IGSF11: variants seen among roughly 807,000 people sequenced by gnomAD.
IGSF11 encodes immunoglobulin superfamily member 11, also known as CXADR like 1.
In IGSF11, 22 loss-of-function variants were observed where a neutral mutation model predicts 41.0. The ratio of observed to expected loss-of-function variants is 0.54; its 90% CI spans 0.38 to 0.77. The LOEUF (loss-of-function observed/expected upper bound fraction) is 0.77, where lower values mean the gene tolerates loss of function less well. Among genes scored for constraint, IGSF11 ranks in the 30% least tolerant of loss-of-function variants. The pLI, the probability that IGSF11 is intolerant of heterozygous loss-of-function variation, is 0.00. For missense variants in IGSF11, 444 were observed against 530.8 expected (o/e 0.84, Z 1.61); for synonymous variants, 219 against 201.3 (o/e 1.09, Z -0.74).
chr3:118,907,564 A>G (rs1318409595), intron 4 of IGSF11, among the ~76,000 whole-genome samples: 1 of 152,280 alleles, frequency 6.6e-6, no homozygotes, highest in East Asian at 1.9e-4. Context: ...AGGCACACAG[A>G]AAGGTGCTAA....
chr3:119,084,830 A>C (rs180741723), intron 1 of IGSF11, among the ~76,000 whole-genome samples: 12 of 152,362 alleles, frequency 7.9e-5, no homozygotes, highest in Non-Finnish European at 1.5e-4. Flanking sequence ...AGCCACGAGC[A>C]GGTCCTGGTG....
chr3:119,138,821 C>T (rs191376606), intron 1 of IGSF11, among the ~76,000 whole-genome samples: 1 of 152,018 alleles, frequency 6.6e-6, no homozygotes, highest in Non-Finnish European at 1.5e-5. Context: ...GAAATAAAAA[C>T]AATTGAACTC....
At chr3:118,936,946 TC>T (rs1233048904) in intron 1 of IGSF11, among the ~76,000 whole-genome samples, 1 of 151,990 alleles carries the variant, frequency 6.6e-6, no homozygotes, top group Non-Finnish European at 1.5e-5. Flanking sequence ...TGACATGAAA[TC>T]CCCCCTGCAA....
At chr3:118,986,106 A>T (rs1935228801) in intron 1 of IGSF11, among the ~76,000 whole-genome samples, 1 of 152,078 alleles carries the variant, frequency 6.6e-6, no homozygotes, top group South Asian at 2.1e-4. Flanking sequence ...ATCTTCCCTC[A>T]TGTACTTCCC....
At chr3:119,024,151 G>C (rs1284443375) in intron 1 of IGSF11, among the ~76,000 whole-genome samples, 1 of 152,174 alleles carries the variant, frequency 6.6e-6, no homozygotes, top group African/African-American at 2.4e-5. Flanking sequence ...CAATTAATTT[G>C]TTCAAAGAAA....
chr3:119,122,098 G>A, intron 1 of IGSF11, among the ~76,000 whole-genome samples: 1 of 152,146 alleles, frequency 6.6e-6, no homozygotes, highest in East Asian at 1.9e-4. Flanking sequence ...TAAAAATCAA[G>A]TAAGCACCAC....
intron 1 of IGSF11, among the ~76,000 whole-genome samples, chr3:119,094,251 AGTT>A (rs1264509102): frequency 7.9e-6 from 1 of 125,964 alleles, no homozygotes; most frequent in Non-Finnish European, 1.7e-5. Context: ...AAAAAAAAAA[AGTT>A]GTTGTTCAAT....
chr3:118,939,255 T>C (rs1292522506), intron 1 of IGSF11, among the ~76,000 whole-genome samples: 1 of 152,092 alleles, frequency 6.6e-6, no homozygotes, highest in Non-Finnish European at 1.5e-5. Context: ...GGAAGAAATC[T>C]AGAAAACCAT....
intron 1 of IGSF11, among the ~76,000 whole-genome samples, chr3:118,973,893 C>A (rs1304409982): frequency 6.6e-6 from 1 of 152,014 alleles, no homozygotes; most frequent in African/African-American, 2.4e-5. Context: ...TAAGTGGGAG[C>A]TGAACAATGA....
intron 1 of IGSF11, among the ~76,000 whole-genome samples, chr3:119,084,601 T>G (rs2076640095): frequency 6.6e-6 from 1 of 152,122 alleles, no homozygotes; most frequent in Non-Finnish European, 1.5e-5. Flanking sequence ...AAGCAAGGCT[T>G]TCTTCTACAT....
At chr3:118,913,142 T>C (rs1374603411) in intron 4 of IGSF11, among the ~76,000 whole-genome samples, 1 of 137,730 alleles carries the variant, frequency 7.3e-6, no homozygotes, top group Non-Finnish European at 1.6e-5. Context: ...CACAGAAAGG[T>C]AAAGAAGGTA....
At chr3:119,115,803 C>G (rs1279268856) in intron 1 of IGSF11, among the ~76,000 whole-genome samples, 1 of 152,110 alleles carries the variant, frequency 6.6e-6, no homozygotes, top group African/African-American at 2.4e-5. Context: ...AATGTACAAT[C>G]TATATAATCT....
chr3:119,132,093 A>C (rs916153183), intron 1 of IGSF11, among the ~76,000 whole-genome samples: 3 of 152,210 alleles, frequency 2.0e-5, no homozygotes, highest in Non-Finnish European at 4.4e-5. Flanking sequence ...GCCACTGCAA[A>C]AACATGCCAA....
intron 1 of IGSF11, among the ~76,000 whole-genome samples, chr3:119,079,649 T>C (rs191376736): frequency 9.3e-4 from 142 of 152,282 alleles, no homozygotes; most frequent in African/African-American, 3.2e-3. Context: ...CCATCAATGG[T>C]GGGCTGGATA....
Position 119,034,584 on chromosome 3 carries a change from C to G in IGSF11, c.-2G>C. 1 of 1,589,628 alleles carries G rather than the reference C, an allele frequency of 6.3e-7. No homozygotes were observed. Among genetic ancestry groups the G allele is most frequent in the Non-Finnish European group, 8.6e-7 (1 of 1,169,350 alleles). On this transcript the variant is annotated 5_prime_UTR_variant, in exon 1 of 7. Transcript: ENST00000393775. The stretch of plus-strand genomic sequence containing the variant: ...CAGAGGGGAACGCTGAGAAGTCATC[C>G]CGGGGCCGCAGGGAGCGCGCCTGCC...
intron 1 of IGSF11, among the ~76,000 whole-genome samples, chr3:119,045,896 C>A (rs1404472447): frequency 3.9e-5 from 6 of 152,150 alleles, no homozygotes; most frequent in South Asian, 2.1e-4. Context: ...TGACACCTCA[C>A]ACTCCAGGGT....
At chr3:118,985,086 A>C (rs1935118231) in intron 1 of IGSF11, among the ~76,000 whole-genome samples, 1 of 152,192 alleles carries the variant, frequency 6.6e-6, no homozygotes, top group Non-Finnish European at 1.5e-5. Context: ...AATAATAATA[A>C]ATTACTTTAA....
rs541162589 is a variant in IGSF11, at chr3:118,907,090, TC to T, written c.581-1373del. Among the ~76,000 whole-genome samples, 1,127 of 152,266 alleles carry T rather than the reference TC, an allele frequency of 7.4e-3. 27 individuals carry two copies. Among genetic ancestry groups the T allele is most frequent in the African/African-American group, 0.026 (1,062 of 41,532 alleles). On this transcript the variant is annotated intron_variant, in intron 4 of 6. Coordinates refer to ENST00000393775, the MANE Select transcript of IGSF11 (RefSeq NM_001015887.3). ...CCTAACAGGACAAGTAAAAAAATAT[TC>T]TGACACAAAGTCCAAGTATGCCTGG...
intron 1 of IGSF11, among the ~76,000 whole-genome samples, chr3:118,958,655 A>T (rs1449006676): frequency 6.6e-6 from 1 of 152,238 alleles, no homozygotes; most frequent in African/African-American, 2.4e-5. Flanking sequence ...CACTAGAATG[A>T]ATTCAAAAAT....
Sources: allele counts gnomAD v4.1 joint callset (sites outside exome capture counted in the v4.1 genomes callset), GRCh38; gene constraint gnomAD v4.1.1; transcripts MANE v1.5; gene names NCBI Gene and HGNC (gene_info 2026-07-23, HGNC 2026-07-21).